The following KLK13 variants were observed in gnomAD, a reference collection of about 807,000 sequenced individuals.
KLK13 encodes the protein kallikrein-13.
KLK13 carries 19 observed loss-of-function variants against 22.4 expected under a neutral mutation model. The ratio of observed to expected loss-of-function variants is 0.85; its 90% confidence interval spans 0.59 to 1.24. The LOEUF is 1.24. KLK13 is among the 50% of genes most tolerant of loss of function. The probability of loss-of-function intolerance (pLI) is 0.00; values close to 1 mark genes in which losing one functional copy is unlikely to be tolerated. For missense variants in KLK13, 311 were observed against 347.9 expected (o/e 0.89, Z 0.84); for synonymous variants, 156 against 141.8 (o/e 1.10, Z -0.71).
At chr19:51,063,729 C>G in intron 1 of KLK13, 1 of 456,812 alleles carries the variant, frequency 2.2e-6, no homozygotes, top group Non-Finnish European at 4.4e-6. Flanking sequence ...AAGGATGGTG[C>G]CAGGTGCCAG....
intron 1 of KLK13, among the ~76,000 whole-genome samples, chr19:51,061,966 A>T (rs2091735171): frequency 6.6e-6 from 1 of 152,012 alleles, no homozygotes; most frequent in South Asian, 2.1e-4. Flanking sequence ...GGATGCCCCC[A>T]TACTAGACAT....
chr19:51,056,792 A>G lies in KLK13; in HGVS notation c.646-17T>C. On this transcript the variant is annotated splice_polypyrimidine_tract_variant and intron_variant, in intron 4 of 4. Transcript: ENST00000595793. ...AGAGTCACCCTGAGTTGGGGAAAGAAAGAGAGAGAGAGGTGGGTCCTTGCT... is the reference window on the plus strand; with the variant it reads ...AGAGTCACCCTGAGTTGGGGAAAGAGAGAGAGAGAGAGGTGGGTCCTTGCT... 4 of 1,606,170 alleles carry G rather than the reference A, an allele frequency of 2.5e-6. No homozygotes were observed. The highest frequency in any genetic ancestry group is 3.4e-6 in the Non-Finnish European group (4 of 1,174,072).
intron 1 of KLK13, 59 bp from the exon 2 acceptor site, chr19:51,060,678 G>A (rs1308057269): frequency 7.2e-7 from 1 of 1,398,574 alleles, no homozygotes; most frequent in Non-Finnish European, 9.8e-7. Flanking sequence ...GAGCCCTGGG[G>A]TTGTGGTTTC....
intron 4 of KLK13, among the ~76,000 whole-genome samples, chr19:51,057,470 A>C (rs1435250339): frequency 1.3e-5 from 2 of 151,604 alleles, no homozygotes; most frequent in African/African-American, 4.9e-5. Context: ...TGCTCTATTT[A>C]TTTCTTTTTG....
Position 51,056,534 on chromosome 19 carries a change from A to G in KLK13, c.*53T>C. 6.4e-7 allele frequency: 1 copy of G among 1,557,702 alleles called. No individual in the cohort carries two copies. The highest frequency in any genetic ancestry group is 1.1e-5 in the South Asian group (1 of 87,812). On this transcript the variant is annotated 3_prime_UTR_variant, in exon 5 of 5. Coordinates refer to ENST00000595793, the MANE Select transcript of KLK13 (RefSeq NM_015596.3). ...TAAGGAGCAGAGAAGGGCTAAGCAG[A>G]CCATGTGAGGAAGTCATGGTGACAG...
chr19:51,059,073 TAG>T (rs1230919566), intron 3 of KLK13, among the ~76,000 whole-genome samples: 1 of 151,364 alleles, frequency 6.6e-6, no homozygotes, highest in Non-Finnish European at 1.5e-5. Context: ...GAGAGTTGGA[TAG>T]AATGGTAGGA....
intron 3 of KLK13, 88 bp downstream of exon 3, chr19:51,059,737 G>A (rs1416354204): frequency 2.9e-6 from 3 of 1,019,408 alleles, no homozygotes; most frequent in Non-Finnish European, 4.0e-6. Context: ...ATATATAAAG[G>A]AACCTACCTC....
In KLK13 at chr19:51,059,237, GAATT is replaced by G. The variant is rs376209305; in HGVS notation, c.509-567_509-564del. Among the ~76,000 whole-genome samples the G allele has an allele frequency of 3.2e-4, 48 of 150,980 alleles. 6 individuals carry two copies. The highest frequency in any genetic ancestry group is 2.5e-3 in the South Asian group (12 of 4,784). On this transcript the variant is annotated intron_variant, in intron 3 of 4. Coordinates refer to ENST00000595793, the MANE Select transcript of KLK13 (RefSeq NM_015596.3). ...ATTATACTTACTAAGTAATGATATA[GAATT>G]AATTATTACATTGAATTATTAGACA...
chr19:51,063,863 T>C (rs1009569580), intron 1 of KLK13: 1 of 460,708 alleles, frequency 2.2e-6, no homozygotes, highest in African/African-American at 2.0e-5. Context: ...AGTCTTCACC[T>C]CATGTCAAGA....
intron 3 of KLK13, among the ~76,000 whole-genome samples, 157 bp from the exon 4 acceptor site, chr19:51,058,831 G>A (rs1281018062): frequency 2.0e-5 from 3 of 152,168 alleles, no homozygotes; most frequent in Admixed American, 2.0e-4. Flanking sequence ...GTAAAGCAAC[G>A]GAAGTGACAG....
At chr19:51,060,394 T>C (rs1261141765) in intron 2 of KLK13, 39 bp downstream of exon 2, 1 of 1,534,660 alleles carries the variant, frequency 6.5e-7, no homozygotes, top group Admixed American at 2.0e-5. Flanking sequence ...CCCAGTCCCA[T>C]TCTCATCCCT....
chr19:51,059,859 C>T lies in KLK13; in HGVS notation c.474G>A (p.Arg158=), dbSNP rs757956040. The part of the protein sequence containing the change: ...NNRLTPGTTC[R]VSGWGTTTSP... Reference sequence around the variant, plus strand: ...TGGTGGTGGTGCCCCAGCCAGACACCCGACAGGTGGTGCCAGGGGTTAGGC... The same window carrying T: ...TGGTGGTGGTGCCCCAGCCAGACACTCGACAGGTGGTGCCAGGGGTTAGGC... Residue 158 remains arginine (R), a synonymous_variant, in exon 3 of 5, where the codon CGG becomes CGA. Transcript: ENST00000595793. 6.2e-7 allele frequency: 1 copy of T among 1,603,934 alleles called. No individual in the cohort carries two copies. The highest frequency in any genetic ancestry group is 8.5e-7 in the Non-Finnish European group (1 of 1,174,490).
intron 1 of KLK13, 27 bp from the exon 2 acceptor site, chr19:51,060,646 A>G: frequency 6.5e-7 from 1 of 1,548,388 alleles, no homozygotes. Flanking sequence ...ATTGTTAGAA[A>G]ACTGGGATCC....
At chr19:51,065,091 GCAGGGC>G in exon 1 of KLK13, 2 of 1,240,780 alleles carry the variant, frequency 1.6e-6, no homozygotes, top group Non-Finnish European at 2.3e-6. Context: ...GGAGGGGAGG[GCAGGGC>G]GGGCGGGGCC....
At chr19:51,057,210 T>C (rs1880413) in intron 4 of KLK13, among the ~76,000 whole-genome samples, 49,932 of 151,856 alleles carry the variant, frequency 0.33, 9,295 homozygotes, top group East Asian at 0.87. Flanking sequence ...GTGAACCCAT[T>C]CATATCTGGG....
Position 51,060,499 on chromosome 19 carries a change from C to G in KLK13, c.173G>C (p.Arg58Pro). 1 of 1,613,944 alleles carries G rather than the reference C, an allele frequency of 6.2e-7. No individual in the cohort carries two copies. The highest frequency in any genetic ancestry group is 8.5e-7 in the Non-Finnish European group (1 of 1,179,900). ...GACCAGGACTCCCCCACAGAGTAGC[C>G]GCCCTTGCACTAGTAGGGCAGCCTG... ...PWQAALLVQG[R>P]LLCGGVLVHP... The change falls in exon 2 of 5, where the codon CGG becomes CCG. Residue 58 changes from arginine (R) to proline (P), a missense_variant. Coordinates refer to ENST00000595793, the MANE Select transcript of KLK13 (RefSeq NM_015596.3).
chr19:51,064,978 C>G (rs577681920), intron 1 of KLK13, 38 bp downstream of exon 1: 2 of 1,541,780 alleles, frequency 1.3e-6, no homozygotes, highest in South Asian at 1.2e-5. Flanking sequence ...ACCATTGTCC[C>G]GAATGGCCGC....
At position 51,063,929 on chromosome 19, in the gene KLK13, G is replaced by A. The variant is rs186456497; in HGVS notation, c.52+1087C>T. On this transcript the variant is annotated intron_variant, in intron 1 of 4. Coordinates refer to ENST00000595793, the MANE Select transcript of KLK13 (RefSeq NM_015596.3). ...TTGAATAACATCTGCGTCTGTCCCC[G>A]CTAGACTCCAGGTGCTGAGAGCAGG... is the stretch of plus-strand genomic sequence containing the variant. 59 of 436,412 alleles carry A rather than the reference G, an allele frequency of 1.4e-4. No homozygotes were observed. In the East Asian group the frequency reaches 1.7e-3, roughly 12 times the overall value. 27.0% of individuals were successfully genotyped at this position (436,412 alleles called of 1,614,324 possible).
intron 4 of KLK13, among the ~76,000 whole-genome samples, chr19:51,058,002 G>C (rs539455832): frequency 1.3e-5 from 2 of 152,314 alleles, no homozygotes; most frequent in African/African-American, 4.8e-5. Context: ...ACTTTTGTGT[G>C]AACTATTGGA....
Sources: allele counts gnomAD v4.1 joint callset (sites outside exome capture counted in the v4.1 genomes callset), GRCh38; gene constraint gnomAD v4.1.1; transcripts MANE v1.5; gene names NCBI Gene and HGNC (gene_info 2026-07-23, HGNC 2026-07-21).